Variants in CNTNAP2 observed in about 807,000 individuals in gnomAD.
CNTNAP2 encodes contactin-associated protein-like 2.
A neutral mutation model predicts 155.2 loss-of-function variants in CNTNAP2; 98 were observed. The observed-to-expected ratio is 0.63, with a 90% CI of 0.54 to 0.75. The LOEUF is 0.75. CNTNAP2 is among the 30% of genes least tolerant of loss of function. CNTNAP2 has a pLI of 0.00. For missense variants in CNTNAP2, 1,727 were observed against 1,688.1 expected (o/e 1.02, Z -0.40); for synonymous variants, 651 against 631.2 (o/e 1.03, Z -0.47).
intron 15 of CNTNAP2, among the ~76,000 whole-genome samples, chr7:148,032,100 C>T (rs542785521): frequency 6.6e-6 from 1 of 152,234 alleles, no homozygotes; most frequent in Admixed American, 6.5e-5. Context: ...ATGTGCCTCC[C>T]TAAACATCTA....
chr7:148,399,745 G>A (rs1199948876), intron 22 of CNTNAP2, among the ~76,000 whole-genome samples: 2 of 152,118 alleles, frequency 1.3e-5, no homozygotes, highest in African/African-American at 2.4e-5. Flanking sequence ...TAGAACTAAC[G>A]GAGTCGAACT....
At chr7:146,661,066 C>T (rs79210156) in intron 1 of CNTNAP2, among the ~76,000 whole-genome samples, 1,686 of 152,260 alleles carry the variant, frequency 0.011, 20 homozygotes, top group Non-Finnish European at 0.019. Flanking sequence ...GATATTCACA[C>T]GGTGCTGAGG....
At chr7:147,734,629 G>A (rs1796806221) in intron 13 of CNTNAP2, among the ~76,000 whole-genome samples, 1 of 152,234 alleles carries the variant, frequency 6.6e-6, no homozygotes, top group Non-Finnish European at 1.5e-5. Context: ...GAATTTGGCT[G>A]TGAATCTGTC....
intron 1 of CNTNAP2, among the ~76,000 whole-genome samples, chr7:146,372,454 T>A (rs1166760860): frequency 6.7e-6 from 1 of 150,080 alleles, no homozygotes; most frequent in Non-Finnish European, 1.5e-5. Context: ...GTCTACTTTT[T>A]AATTTATTTG....
At chr7:147,549,037 A>T (rs557906139) in intron 11 of CNTNAP2, among the ~76,000 whole-genome samples, 2 of 152,150 alleles carry the variant, frequency 1.3e-5, no homozygotes, top group Non-Finnish European at 2.9e-5. Context: ...GTCAGATAGC[A>T]TGATGCCTCC....
intron 1 of CNTNAP2, among the ~76,000 whole-genome samples, chr7:146,740,337 CTTATTA>C (rs1296636099): frequency 4.7e-5 from 7 of 148,986 alleles, no homozygotes; most frequent in Middle Eastern, 6.9e-3. Context: ...CATTTTTTTA[CTTATTA>C]TTATTATTGT....
At chr7:147,403,041 A>C (rs1476360382) in intron 10 of CNTNAP2, among the ~76,000 whole-genome samples, 1 of 151,860 alleles carries the variant, frequency 6.6e-6, no homozygotes, top group East Asian at 1.9e-4. Flanking sequence ...TAGTCTCTTT[A>C]AGTCTGATAA....
At chr7:147,116,549 G>T (rs1295229312) in intron 5 of CNTNAP2, among the ~76,000 whole-genome samples, 2 of 151,828 alleles carry the variant, frequency 1.3e-5, no homozygotes, top group Admixed American at 1.3e-4. Flanking sequence ...AAGAATGGAT[G>T]GGGGGATGGG....
At chr7:147,859,420 A>T (rs1005287199) in intron 13 of CNTNAP2, among the ~76,000 whole-genome samples, 1 of 75,748 alleles carries the variant, frequency 1.3e-5, no homozygotes, top group Non-Finnish European at 2.4e-5. Context: ...CAAGATCAAG[A>T]CCAAAAAAAA....
At chr7:147,740,977 C>A (rs1418278668) in intron 13 of CNTNAP2, among the ~76,000 whole-genome samples, 1 of 152,156 alleles carries the variant, frequency 6.6e-6, no homozygotes, top group Non-Finnish European at 1.5e-5. Context: ...AGCTAGACTG[C>A]CATTTTCCCA....
chr7:146,613,783 C>G (rs535154987), intron 1 of CNTNAP2, among the ~76,000 whole-genome samples: 2 of 152,200 alleles, frequency 1.3e-5, no homozygotes, highest in East Asian at 3.9e-4. Context: ...CCGTGGGAAT[C>G]AATTCCAAAA....
chr7:146,287,001 T>A (rs1418101801), intron 1 of CNTNAP2, among the ~76,000 whole-genome samples: 3 of 152,054 alleles, frequency 2.0e-5, no homozygotes, highest in African/African-American at 7.2e-5. Flanking sequence ...AGAACGTCCC[T>A]CTGGAGCAAA....
intron 13 of CNTNAP2, among the ~76,000 whole-genome samples, chr7:147,657,682 G>C (rs1419726685): frequency 6.6e-6 from 1 of 152,100 alleles, no homozygotes; most frequent in East Asian, 1.9e-4. Flanking sequence ...ATATATGTAG[G>C]ATAAAGGTAT....
At chr7:148,152,734 A>T (rs952347371) in intron 17 of CNTNAP2, among the ~76,000 whole-genome samples, 1 of 152,024 alleles carries the variant, frequency 6.6e-6, no homozygotes, top group Non-Finnish European at 1.5e-5. Flanking sequence ...TTAAAGCTAA[A>T]CTCTAGCTGG....
At chr7:146,715,008 A>G (rs571915771) in intron 1 of CNTNAP2, among the ~76,000 whole-genome samples, 60 of 152,232 alleles carry the variant, frequency 3.9e-4, no homozygotes, top group African/African-American at 1.4e-3. Flanking sequence ...GGAAAGAGAT[A>G]AAGCAAGTAC....
intron 1 of CNTNAP2, among the ~76,000 whole-genome samples, chr7:146,456,548 T>C (rs1796558013): frequency 6.6e-6 from 1 of 152,144 alleles, no homozygotes; most frequent in Non-Finnish European, 1.5e-5. Context: ...TTACTGAGAA[T>C]AGAAATAAAA....
chr7:147,914,064 AAAAT>A (rs1303283724), intron 14 of CNTNAP2, among the ~76,000 whole-genome samples: 1 of 152,188 alleles, frequency 6.6e-6, no homozygotes, highest in African/African-American at 2.4e-5. Flanking sequence ...TCAAAAAAAA[AAAAT>A]AACCTGTAGA....
chr7:146,611,516 A>AG (rs1160154981), intron 1 of CNTNAP2, among the ~76,000 whole-genome samples: 4 of 152,178 alleles, frequency 2.6e-5, no homozygotes, highest in African/African-American at 9.7e-5. Context: ...CTGCCTTTTC[A>AG]CATGTGAAAG....
intron 14 of CNTNAP2, among the ~76,000 whole-genome samples, chr7:147,927,529 A>C (rs546248974): frequency 2.0e-5 from 3 of 152,324 alleles, no homozygotes; most frequent in South Asian, 4.1e-4. Flanking sequence ...GTGTTCACAA[A>C]AATTTTTTTA....
Sources: allele counts gnomAD v4.1 joint callset (sites outside exome capture counted in the v4.1 genomes callset), GRCh38; gene constraint gnomAD v4.1.1; transcripts MANE v1.5; gene names NCBI Gene and HGNC (gene_info 2026-07-23, HGNC 2026-07-21).